JMJD1C: variants seen among roughly 807,000 people sequenced by gnomAD.
The protein encoded by JMJD1C is jumonji domain-containing protein 1C.
A neutral mutation model predicts 245.3 loss-of-function variants in JMJD1C; 31 were observed. The ratio of observed to expected loss-of-function variants is 0.13; its 90% CI spans 0.09 to 0.17. The LOEUF (loss-of-function observed/expected upper bound fraction) is 0.17, where lower values mean the gene tolerates loss of function less well. Ranked by LOEUF, JMJD1C falls within the 10% of genes least tolerant of loss-of-function variation. JMJD1C has a pLI of 1.00. For synonymous variants in JMJD1C, 1,057 were observed against 1,017.4 expected (o/e 1.04, Z -0.74); for missense variants, 2,691 against 3,000.2 (o/e 0.90, Z 2.41).
At chr10:63,326,174 T>C (rs529187307) in intron 2 of JMJD1C, among the ~76,000 whole-genome samples, 15 of 152,050 alleles carry the variant, frequency 9.9e-5, no homozygotes, top group Non-Finnish European at 2.1e-4. Context: ...CTGAGAAGTG[T>C]AATAACACAG....
At chr10:63,453,565 T>G (rs1057408253) in intron 1 of JMJD1C, among the ~76,000 whole-genome samples, 20 of 152,180 alleles carry the variant, frequency 1.3e-4, no homozygotes, top group South Asian at 4.1e-4. Context: ...AAAATATAAT[T>G]TCAAATTAGA....
At chr10:63,237,462 T>A (rs1016854807) in intron 3 of JMJD1C, among the ~76,000 whole-genome samples, 8 of 152,206 alleles carry the variant, frequency 5.3e-5, no homozygotes, top group Non-Finnish European at 1.0e-4. Flanking sequence ...AAATGATGAA[T>A]CTATAAATGA....
At chr10:63,401,116 C>A (rs1948825181) in intron 1 of JMJD1C, among the ~76,000 whole-genome samples, 2 of 152,204 alleles carry the variant, frequency 1.3e-5, no homozygotes, top group African/African-American at 4.8e-5. Context: ...GCCTCGGCCT[C>A]CCAAAGTGCT....
At chr10:63,309,494 CAAAAAAA>C (rs71025153) in intron 2 of JMJD1C, among the ~76,000 whole-genome samples, 28 of 49,422 alleles carry the variant, frequency 5.7e-4, no homozygotes, top group South Asian at 3.0e-3. Flanking sequence ...GACTCCATCT[CAAAAAAA>C]AAAAAAAAAA....
intron 2 of JMJD1C, among the ~76,000 whole-genome samples, chr10:63,309,969 G>C (rs1160944788): frequency 6.6e-6 from 1 of 152,088 alleles, no homozygotes; most frequent in African/African-American, 2.4e-5. Context: ...AAAGAGTTCA[G>C]CAAGCCTACT....
At chr10:63,371,977 C>T (rs1053713291) in intron 2 of JMJD1C, among the ~76,000 whole-genome samples, 1 of 152,040 alleles carries the variant, frequency 6.6e-6, no homozygotes, top group Non-Finnish European at 1.5e-5. Flanking sequence ...GAACATACTC[C>T]AAAGTTTATT....
In JMJD1C at chr10:63,269,776, T is replaced by C. The variant is rs188265725; in HGVS notation, c.334-5012A>G. ...ATTACAAAAAACAACTTAACCTAGA[T>C]AGTTCTAAGATACAATTTGAAAGCA... On this transcript the variant is annotated intron_variant, in intron 2 of 25. Transcript: ENST00000399262. 2.0e-5 allele frequency among the ~76,000 whole-genome samples: 3 copies of C among 152,338 alleles called. No homozygotes were observed. The East Asian group carries it at 5.8e-4, about 29-fold the overall frequency.
intron 2 of JMJD1C, among the ~76,000 whole-genome samples, chr10:63,276,465 CAAAAAAAAAAA>C (rs551525973): frequency 1.1e-5 from 1 of 93,748 alleles, no homozygotes; most frequent in African/African-American, 4.1e-5. Context: ...GATTCCGTCT[CAAAAAAAAAAA>C]AAAAAAAAGA....
At chr10:63,471,195 A>T (rs1250252533) in intron 1 of JMJD1C, among the ~76,000 whole-genome samples, 1 of 152,232 alleles carries the variant, frequency 6.6e-6, no homozygotes. Context: ...CACTATTGTT[A>T]CAAGTTAATA....
intron 2 of JMJD1C, among the ~76,000 whole-genome samples, chr10:63,345,418 C>T (rs1943723319): frequency 1.4e-5 from 2 of 142,850 alleles, no homozygotes; most frequent in Admixed American, 7.3e-5. Flanking sequence ...ACCCAGGAGG[C>T]GGGAGGTTGC....
At chr10:63,204,358 T>G in intron 10 of JMJD1C, 2 of 985,388 alleles carry the variant, frequency 2.0e-6, no homozygotes, top group Non-Finnish European at 2.4e-6. Flanking sequence ...GGCCCTTTTC[T>G]TAGAACTCTT....
intron 16 of JMJD1C, among the ~76,000 whole-genome samples, chr10:63,192,662 GAGGTCA>G (rs1844976346): frequency 6.6e-6 from 1 of 152,156 alleles, no homozygotes; most frequent in Non-Finnish European, 1.5e-5. Context: ...CTGGGCCTGA[GAGGTCA>G]AGGCTGCAGT....
At chr10:63,370,817 T>G (rs543155520) in intron 2 of JMJD1C, among the ~76,000 whole-genome samples, 1 of 152,292 alleles carries the variant, frequency 6.6e-6, no homozygotes, top group African/African-American at 2.4e-5. Context: ...CTAAAATAAC[T>G]CATTTGAAGA....
intron 2 of JMJD1C, among the ~76,000 whole-genome samples, chr10:63,344,486 G>A (rs1943640806): frequency 6.6e-6 from 1 of 152,120 alleles, no homozygotes; most frequent in African/African-American, 2.4e-5. Flanking sequence ...ATTAAGTGAT[G>A]CATGGCTATT....
chr10:63,328,178 G>A (rs1469581000), intron 2 of JMJD1C, among the ~76,000 whole-genome samples: 1 of 151,966 alleles, frequency 6.6e-6, no homozygotes, highest in African/African-American at 2.4e-5. Context: ...TGGAGGCTGA[G>A]GCAGGAGAAT....
chr10:63,216,538 G>A (rs572753331), intron 5 of JMJD1C, among the ~76,000 whole-genome samples: 2 of 151,706 alleles, frequency 1.3e-5, no homozygotes, highest in African/African-American at 2.4e-5. Flanking sequence ...GCGAAACCCC[G>A]TATCTACTAA....
intron 3 of JMJD1C, among the ~76,000 whole-genome samples, chr10:63,226,741 A>AGG (rs1273387530): frequency 7.1e-6 from 1 of 139,946 alleles, no homozygotes; most frequent in Non-Finnish European, 1.5e-5. Flanking sequence ...AAAAAGAGAG[A>AGG]GAGAAGGACA....
intron 3 of JMJD1C, among the ~76,000 whole-genome samples, chr10:63,244,868 G>C (rs1177708238): frequency 6.6e-6 from 1 of 151,900 alleles, no homozygotes; most frequent in Non-Finnish European, 1.5e-5. Flanking sequence ...TGGGTGCGGT[G>C]GCTCACGCCT....
At chr10:63,237,149 T>C (rs1850833082) in intron 3 of JMJD1C, among the ~76,000 whole-genome samples, 1 of 152,170 alleles carries the variant, frequency 6.6e-6, no homozygotes, top group African/African-American at 2.4e-5. Flanking sequence ...GTGATTCTCC[T>C]GCCTCAGCCT....
Sources: gnomAD v4.1 joint callset for allele counts (sites outside exome capture counted in the v4.1 genomes callset) on GRCh38, gnomAD v4.1.1 for gene constraint, MANE v1.5 for transcripts, NCBI Gene and HGNC (gene_info 2026-07-23, HGNC 2026-07-21) for gene names.